Variants in KCNH1 observed in about 807,000 individuals in gnomAD.
KCNH1 encodes the protein potassium voltage-gated channel subfamily H member 1.
A neutral mutation model predicts 69.2 loss-of-function variants in KCNH1; 27 were observed. The ratio of observed to expected loss-of-function variants is 0.39; its 90% confidence interval spans 0.29 to 0.54. The LOEUF (loss-of-function observed/expected upper bound fraction) is 0.54, where lower values mean the gene tolerates loss of function less well. Among genes scored for constraint, KCNH1 ranks in the 20% least tolerant of loss-of-function variants. The pLI is 0.68. For missense variants in KCNH1, 798 were observed against 1,261.6 expected, an observed-to-expected ratio of 0.63 and a Z score of 5.57; for synonymous variants, 456 against 487.7, an observed-to-expected ratio of 0.93 and a Z score of 0.86.
At chr1:210,709,738 GAGAA>G (rs779142445) in intron 10 of KCNH1, among the ~76,000 whole-genome samples, 5 of 73,996 alleles carry the variant, frequency 6.8e-5, no homozygotes, top group Admixed American at 1.3e-4. Context: ...GAGAGAGAGA[GAGAA>G]AGAGAGAGAG....
chr1:210,703,423 C>T (rs1366482624), intron 10 of KCNH1, among the ~76,000 whole-genome samples: 2 of 152,204 alleles, frequency 1.3e-5, no homozygotes, highest in Non-Finnish European at 2.9e-5. Flanking sequence ...CCTTCTCATA[C>T]ATCACTGGCA....
intron 5 of KCNH1, among the ~76,000 whole-genome samples, chr1:211,061,341 C>A (rs928492811): frequency 6.6e-6 from 1 of 152,080 alleles, no homozygotes; most frequent in Non-Finnish European, 1.5e-5. Flanking sequence ...ATAAAACAGA[C>A]CCACAGCTAG....
chr1:210,900,279 G>A (rs1248415719), intron 7 of KCNH1, among the ~76,000 whole-genome samples: 1 of 152,214 alleles, frequency 6.6e-6, no homozygotes, highest in East Asian at 1.9e-4. Context: ...GGGCAACAGA[G>A]TATCTGGCAC....
At chr1:210,834,329 T>C (rs1485387128) in intron 7 of KCNH1, among the ~76,000 whole-genome samples, 1 of 117,302 alleles carries the variant, frequency 8.5e-6, no homozygotes, top group African/African-American at 3.3e-5. Context: ...ATGTGGCACA[T>C]ATACACCATG....
intron 5 of KCNH1, among the ~76,000 whole-genome samples, chr1:211,020,368 A>G (rs1689567302): frequency 6.6e-6 from 1 of 152,070 alleles, no homozygotes; most frequent in South Asian, 2.1e-4. Context: ...ATGCCAACAA[A>G]TTGGAAAACC....
intron 6 of KCNH1, among the ~76,000 whole-genome samples, chr1:210,941,512 TG>T (rs1407950691): frequency 1.3e-5 from 2 of 152,170 alleles, no homozygotes; most frequent in Admixed American, 6.5e-5. Context: ...CCCAAACACC[TG>T]GGTTGTATCT....
chr1:210,769,537 A>G (rs1044791704), intron 10 of KCNH1, among the ~76,000 whole-genome samples: 1 of 152,208 alleles, frequency 6.6e-6, no homozygotes, highest in Non-Finnish European at 1.5e-5. Flanking sequence ...ATTAATATAA[A>G]CAAACACTGC....
intron 6 of KCNH1, among the ~76,000 whole-genome samples, chr1:210,947,511 C>G (rs765201380): frequency 4.0e-5 from 6 of 151,066 alleles, no homozygotes; most frequent in Non-Finnish European, 8.8e-5. Context: ...GGGGGCGGAG[C>G]TTGCAGTGAG....
intron 5 of KCNH1, among the ~76,000 whole-genome samples, chr1:211,059,514 G>A (rs1022501119): frequency 3.3e-5 from 5 of 151,974 alleles, no homozygotes; most frequent in Admixed American, 6.5e-5. Flanking sequence ...AGGCTGAGGC[G>A]GGTGGATCAT....
Position 210,683,804 on chromosome 1 carries a change from G to A in KCNH1, c.2447C>T (p.Ala816Val), listed in dbSNP as rs146115796. ...SGVPDHAKLQ[A>V]PGSECLGPKG... ...GGGGCCCAGGCACTCGGACCCTGGC[G>A]CCTGTAGCTTTGCGTGGTCTGGCAC... is the stretch of plus-strand genomic sequence containing the variant. The change falls in exon 11 of 11, where the codon GCG becomes GTG. Residue 816 changes from alanine to valine, a missense_variant. By Grantham distance (64) the Ala-to-Val change is moderately conservative. Around this residue, in one of 4 missense-constraint regions of KCNH1, gnomAD observed 331 missense variants for 363.2 expected, o/e 0.91. Transcript: ENST00000271751. This position sits in a 1 kb window ranked among gnomAD's most constrained non-coding sequence, Gnocchi z 5.7. The A allele has an allele frequency of 1.9e-5, 30 of 1,613,628 alleles. No individual in the cohort carries two copies. Among genetic ancestry groups the A allele is most frequent in the East Asian group, 4.5e-5 (2 of 44,888 alleles).
intron 7 of KCNH1, among the ~76,000 whole-genome samples, chr1:210,829,156 G>C (rs1199910956): frequency 1.3e-5 from 2 of 152,182 alleles, no homozygotes; most frequent in Non-Finnish European, 2.9e-5. Flanking sequence ...TCTGGTCTAA[G>C]AAGGAAACTG....
chr1:210,827,800 A>G (rs779216079), intron 7 of KCNH1, among the ~76,000 whole-genome samples: 25 of 152,106 alleles, frequency 1.6e-4, no homozygotes, highest in Non-Finnish European at 2.9e-4. Flanking sequence ...TTCTTATTTT[A>G]GGCAAAATTG....
chr1:210,926,501 C>G lies in KCNH1; in HGVS notation c.1033-6432G>C, dbSNP rs148221213. 3.5e-4 allele frequency among the ~76,000 whole-genome samples: 54 copies of G among 152,228 alleles called. 1 individual carries two copies. Among genetic ancestry groups the G allele is most frequent in the African/African-American group, 1.3e-3 (54 of 41,532 alleles). ...AGTTTGGCTCTCAGGAAGCTCCATT[C>G]CTAGGGGAAGGGGGAGAACACTCTA... is the stretch of plus-strand genomic sequence containing the variant. On this transcript the variant is annotated intron_variant, in intron 6 of 10. Transcript: ENST00000271751.
intron 1 of KCNH1, among the ~76,000 whole-genome samples, chr1:211,111,334 T>C (rs1339832510): frequency 2.0e-5 from 3 of 151,972 alleles, no homozygotes; most frequent in Non-Finnish European, 2.9e-5. Flanking sequence ...GGAGCGCCTC[T>C]GCCCGGCCCC....
At chr1:211,117,129 T>C (rs1417519378) in intron 1 of KCNH1, among the ~76,000 whole-genome samples, 1 of 152,210 alleles carries the variant, frequency 6.6e-6, no homozygotes, top group African/African-American at 2.4e-5. Context: ...ATATGGCCAC[T>C]TTTAGAACAC....
At chr1:210,717,156 T>C (rs895975136) in intron 10 of KCNH1, among the ~76,000 whole-genome samples, 4 of 152,150 alleles carry the variant, frequency 2.6e-5, no homozygotes, top group African/African-American at 9.7e-5. Context: ...GCTGCCCTTA[T>C]TTGCCAAACT....
chr1:210,920,088 A>G lies in KCNH1; in HGVS notation c.1033-19T>C. The G allele has an allele frequency of 1.2e-6, 2 of 1,605,928 alleles. No individual in the cohort carries two copies. The highest frequency in any genetic ancestry group is 1.7e-6 in the Non-Finnish European group (2 of 1,175,084). On this transcript the variant is annotated intron_variant, in intron 6 of 10. Transcript: ENST00000271751. ...TGATGCCCTGGGAGAAGAGGAACAC[A>G]GCGTCAGGGCCAAAGAACCAAAGAT...
chr1:210,917,007 G>T (rs963741209), intron 7 of KCNH1, among the ~76,000 whole-genome samples: 1 of 151,810 alleles, frequency 6.6e-6, no homozygotes, highest in African/African-American at 2.4e-5. Context: ...AATTAGCCAG[G>T]TGTCATGGTG....
intron 6 of KCNH1, among the ~76,000 whole-genome samples, chr1:211,007,410 C>A (rs998559471): frequency 1.3e-5 from 2 of 152,166 alleles, no homozygotes; most frequent in African/African-American, 4.8e-5. Context: ...CTATTTTTCA[C>A]TAACATTTGT....
Sources: allele counts gnomAD v4.1 joint callset (sites outside exome capture counted in the v4.1 genomes callset), GRCh38; gene constraint gnomAD v4.1.1; regional missense constraint gnomAD v4.1.1; non-coding constraint Gnocchi (gnomAD v3.1); transcripts MANE v1.5; gene names NCBI Gene and HGNC (gene_info 2026-07-23, HGNC 2026-07-21).